RFTN2: variants seen among roughly 807,000 people sequenced by gnomAD.
The protein encoded by RFTN2 is raftlin family member 2, also known as raftlin-2.
A neutral mutation model predicts 52.7 loss-of-function variants in RFTN2; 34 were observed. The ratio of observed to expected loss-of-function variants is 0.64; its 90% CI spans 0.49 to 0.86. The LOEUF (loss-of-function observed/expected upper bound fraction) is 0.86, where lower values mean the gene tolerates loss of function less well. RFTN2 is among the 40% of genes least tolerant of loss of function. The pLI is 0.00. For missense variants in RFTN2, 536 were observed against 600.1 expected, an observed-to-expected ratio of 0.89 and a Z score of 1.12; for synonymous variants, 203 against 217.7, an observed-to-expected ratio of 0.93 and a Z score of 0.59.
intron 1 of RFTN2, among the ~76,000 whole-genome samples, chr2:197,648,056 A>G (rs936736078): frequency 6.6e-6 from 1 of 152,232 alleles, no homozygotes; most frequent in Non-Finnish European, 1.5e-5. Flanking sequence ...AATTCCAGAT[A>G]TGAGCCTAGT....
chr2:197,593,653 C>T (rs1454215897), intron 8 of RFTN2, among the ~76,000 whole-genome samples: 2 of 151,968 alleles, frequency 1.3e-5, no homozygotes, highest in Non-Finnish European at 2.9e-5. Flanking sequence ...CTGTGGGAGG[C>T]CGAGGTGGGG....
rs1405743291 is a variant in RFTN2, at chr2:197,639,674, CT to C, written c.438+4483del. 2.6e-5 allele frequency among the ~76,000 whole-genome samples: 3 copies of C among 113,278 alleles called. No individual in the cohort carries two copies. The East Asian group carries it at 7.5e-4, about 28-fold the overall frequency. The allele number at this position is 113,278 out of a possible 152,430, so 74.3% of individuals were successfully genotyped here. A position where few individuals can be genotyped will look rare whatever the true frequency, so the allele number is the denominator to read the frequency against. On this transcript the variant is annotated intron_variant, in intron 3 of 8. Transcript: ENST00000295049. Reference sequence around the variant, plus strand: ...TTTTCAAAGTTTTCAACTTCTTTGCCTTTGGTTTGAATGTCCTCCCGTAGCT... The same window carrying C: ...TTTTCAAAGTTTTCAACTTCTTTGCCTTGGTTTGAATGTCCTCCCGTAGCT...
At chr2:197,623,604 G>C (rs1260071175) in intron 5 of RFTN2, among the ~76,000 whole-genome samples, 2 of 152,132 alleles carry the variant, frequency 1.3e-5, no homozygotes, top group Admixed American at 6.5e-5. Context: ...TCAGCCTCTT[G>C]AGTAGCTGGG....
chr2:197,621,108 G>C (rs2088256122), intron 5 of RFTN2, among the ~76,000 whole-genome samples: 2 of 151,984 alleles, frequency 1.3e-5, no homozygotes, highest in Admixed American at 1.3e-4. Flanking sequence ...ACACTGAAGT[G>C]ACCAGTGGAA....
At chr2:197,620,121 T>A (rs1166558001) in intron 5 of RFTN2, among the ~76,000 whole-genome samples, 3 of 152,038 alleles carry the variant, frequency 2.0e-5, no homozygotes, top group African/African-American at 7.2e-5. Context: ...AATATTAAAA[T>A]TAATGCTAGG....
intron 8 of RFTN2, among the ~76,000 whole-genome samples, chr2:197,592,831 G>A (rs984306196): frequency 6.6e-5 from 10 of 152,042 alleles, no homozygotes; most frequent in African/African-American, 2.4e-4. Flanking sequence ...TAACATTTTG[G>A]TAATAAATTA....
At chr2:197,588,930 T>G (rs2087644583) in intron 8 of RFTN2, among the ~76,000 whole-genome samples, 1 of 151,872 alleles carries the variant, frequency 6.6e-6, no homozygotes, top group East Asian at 1.9e-4. Context: ...GATCTGATGG[T>G]TTTAAAAATG....
chr2:197,610,427 G>A (rs1237496624), intron 7 of RFTN2, among the ~76,000 whole-genome samples: 1 of 152,168 alleles, frequency 6.6e-6, no homozygotes, highest in African/African-American at 2.4e-5. Flanking sequence ...TGTTATTGGT[G>A]TATAGGAATG....
intron 8 of RFTN2, among the ~76,000 whole-genome samples, chr2:197,593,316 G>C (rs947199942): frequency 6.6e-6 from 1 of 152,116 alleles, no homozygotes; most frequent in Non-Finnish European, 1.5e-5. Flanking sequence ...TAAGGTGGGA[G>C]GATTGTTTGA....
At chr2:197,645,410 G>C (rs2088733851) in intron 2 of RFTN2, among the ~76,000 whole-genome samples, 1 of 152,056 alleles carries the variant, frequency 6.6e-6, no homozygotes, top group South Asian at 2.1e-4. Context: ...AGCAGCCTAA[G>C]GACACACTTC....
Position 197,651,285 on chromosome 2 carries a change from T to C in RFTN2, c.140-4619A>G, listed in dbSNP as rs538064034. On this transcript the variant is annotated intron_variant, in intron 1 of 8. Coordinates refer to ENST00000295049, the MANE Select transcript of RFTN2 (RefSeq NM_144629.3). ...AGTTTGATATAGTCCCATTTATCTATTTTTACTTTTTTTGCCTGTGCTTTG... is the reference window on the plus strand; with the variant it reads ...AGTTTGATATAGTCCCATTTATCTACTTTTACTTTTTTTGCCTGTGCTTTG... 1.1e-4 allele frequency among the ~76,000 whole-genome samples: 17 copies of C among 152,340 alleles called. No individual in the cohort carries two copies. In the East Asian group the frequency reaches 3.3e-3, roughly 29 times the overall value.
At chr2:197,595,743 G>T (rs1363215345) in intron 8 of RFTN2, among the ~76,000 whole-genome samples, 1 of 152,204 alleles carries the variant, frequency 6.6e-6, no homozygotes, top group Non-Finnish European at 1.5e-5. Context: ...TCCTGTGTCT[G>T]CTGTTTCTTA....
chr2:197,602,134 T>C (rs1420808927), intron 7 of RFTN2, among the ~76,000 whole-genome samples: 1 of 152,172 alleles, frequency 6.6e-6, no homozygotes, highest in African/African-American at 2.4e-5. Context: ...GGCGTGATCT[T>C]GGCTCACCGC....
intron 8 of RFTN2, among the ~76,000 whole-genome samples, chr2:197,588,513 G>A (rs1340580552): frequency 6.6e-6 from 1 of 152,168 alleles, no homozygotes. Context: ...ACCATGCCCA[G>A]TCCTTTTTAT....
At position 197,633,899 on chromosome 2, in the gene RFTN2, A is replaced by G. The variant is rs144034219; in HGVS notation, c.537T>C (p.Asp179=). ...GTCTCACATGTAGCATCGATTCTAT[A>G]TCTCCATCATGGTTGGTTCCATTGC... ...KFCNGTNHDG[D]IESMLHVRHG... Residue 179 remains aspartate (D), a synonymous_variant, in exon 4 of 9, where the codon GAT becomes GAC. Transcript: ENST00000295049. 43 of 1,613,832 alleles carry G rather than the reference A, an allele frequency of 2.7e-5. No individual in the cohort carries two copies. The African/African-American group carries it at 5.2e-4, about 20-fold the overall frequency.
intron 5 of RFTN2, among the ~76,000 whole-genome samples, chr2:197,621,661 C>T (rs1464589652): frequency 1.3e-5 from 2 of 151,968 alleles, no homozygotes; most frequent in Admixed American, 6.6e-5. Flanking sequence ...AACTGATAAA[C>T]GTTGTGGGGG....
intron 2 of RFTN2, among the ~76,000 whole-genome samples, chr2:197,644,560 T>G (rs1404711791): frequency 6.6e-6 from 1 of 152,188 alleles, no homozygotes; most frequent in Admixed American, 6.6e-5. Flanking sequence ...AATTTTAGAT[T>G]GTTGTTATAT....
chr2:197,610,443 T>G lies in RFTN2; in HGVS notation c.1154+5433A>C, dbSNP rs111323171. Among the ~76,000 whole-genome samples the G allele has an allele frequency of 6.7e-3, 1,015 of 152,260 alleles. 11 individuals are homozygous for G. The highest frequency in any genetic ancestry group is 0.021 in the African/African-American group (853 of 41,548). ...GTTATTGGTGTATAGGAATGCTTGT[T>G]ATTTTTGCACATTGATTTTGTATCC... On this transcript the variant is annotated intron_variant, in intron 7 of 8. Transcript: ENST00000295049.
rs1348892018 is a variant in RFTN2 at position 197,631,037 on chromosome 2, G to T, written c.902C>A (p.Ser301Tyr). 14 of 1,609,446 alleles carry T rather than the reference G, an allele frequency of 8.7e-6. No homozygotes were observed. The highest frequency in any genetic ancestry group is 1.2e-5 in the Non-Finnish European group (14 of 1,176,452). The change falls in exon 5 of 9, where the codon TCT (serine) becomes TAT (tyrosine). Residue 301 changes from serine (S) to tyrosine (Y), a missense_variant. Coordinates refer to ENST00000295049, the MANE Select transcript of RFTN2 (RefSeq NM_144629.3). ...YYKQGLSLID[S>Y]FVFWETSKGE... ...TTTAGATGTTTCCCAGAATACAAAA[G>T]AATCAATTAAAGACAAGCCTTGTTT... is the stretch of plus-strand genomic sequence containing the variant.
Sources: gnomAD v4.1 joint callset for allele counts (sites outside exome capture counted in the v4.1 genomes callset) on GRCh38, gnomAD v4.1.1 for gene constraint, MANE v1.5 for transcripts, NCBI Gene and HGNC (gene_info 2026-07-23, HGNC 2026-07-21) for gene names.